Variants in NEGR1 observed in about 807,000 individuals in gnomAD.
NEGR1 encodes the protein IgLON family member 4.
NEGR1 carries 10 observed loss-of-function variants against 40.9 expected under a neutral mutation model. The observed-to-expected ratio is 0.24, with a 90% CI of 0.15 to 0.42. The LOEUF is 0.42. NEGR1 is among the 10% of genes least tolerant of loss of function. NEGR1 has a pLI of 1.00. For missense variants in NEGR1, 352 were observed against 438.9 expected (o/e 0.80, Z 1.77); for synonymous variants, 185 against 166.8 (o/e 1.11, Z -0.84).
chr1:72,019,421 G>A (rs1646738281), intron 1 of NEGR1, among the ~76,000 whole-genome samples: 1 of 152,098 alleles, frequency 6.6e-6, no homozygotes, highest in South Asian at 2.1e-4. Context: ...GAAAAAAACA[G>A]AAGACAATGC....
intron 3 of NEGR1, among the ~76,000 whole-genome samples, 200 bp downstream of exon 3, chr1:71,775,972 G>A (rs1178989819): frequency 6.6e-6 from 1 of 150,528 alleles, no homozygotes; most frequent in African/African-American, 2.4e-5. Flanking sequence ...CAGCCTGGGG[G>A]ACAGAGTAAG....
At chr1:72,088,977 T>C (rs1304969253) in intron 1 of NEGR1, among the ~76,000 whole-genome samples, 1 of 152,034 alleles carries the variant, frequency 6.6e-6, no homozygotes, top group Non-Finnish European at 1.5e-5. Flanking sequence ...GTCTGGCCTA[T>C]ACAATGTAGT....
intron 2 of NEGR1, among the ~76,000 whole-genome samples, chr1:71,876,325 A>G (rs1660428752): frequency 6.6e-6 from 1 of 152,104 alleles, no homozygotes; most frequent in South Asian, 2.1e-4. Context: ...AGCCTAGGCA[A>G]CATGGCAAAA....
chr1:71,685,408 C>A (rs190021111), intron 4 of NEGR1, among the ~76,000 whole-genome samples: 104 of 151,148 alleles, frequency 6.9e-4, no homozygotes, highest in Middle Eastern at 3.4e-3. Context: ...CTGCAAACTC[C>A]GCCTCCTGGG....
intron 1 of NEGR1, among the ~76,000 whole-genome samples, chr1:72,061,052 T>C (rs1214262222): frequency 6.6e-6 from 1 of 151,734 alleles, no homozygotes; most frequent in Non-Finnish European, 1.5e-5. Context: ...GGGAGACTTG[T>C]GGATTTCCTC....
chr1:71,898,521 A>T (rs150223914), intron 2 of NEGR1, among the ~76,000 whole-genome samples: 3,047 of 152,254 alleles, frequency 0.02, 61 homozygotes, highest in South Asian at 0.1. Context: ...AGGCTGAGGC[A>T]GGAGAATGGC....
intron 1 of NEGR1, among the ~76,000 whole-genome samples, chr1:72,064,952 C>G (rs1193998690): frequency 2.0e-5 from 3 of 151,996 alleles, no homozygotes; most frequent in Non-Finnish European, 4.4e-5. Flanking sequence ...TTACTGTTAA[C>G]TCCAGTTCTG....
intron 1 of NEGR1, among the ~76,000 whole-genome samples, chr1:72,143,135 T>C (rs1211748535): frequency 6.6e-6 from 1 of 151,998 alleles, no homozygotes; most frequent in Admixed American, 6.6e-5. Flanking sequence ...GCAGTAAAAA[T>C]GTTGGAAGCC....
intron 1 of NEGR1, among the ~76,000 whole-genome samples, chr1:72,113,461 A>T (rs936495730): frequency 2.0e-5 from 3 of 151,238 alleles, no homozygotes; most frequent in Admixed American, 6.6e-5. Flanking sequence ...GTTTAGAAAA[A>T]AAATATATAT....
intron 1 of NEGR1, among the ~76,000 whole-genome samples, chr1:72,043,815 A>G (rs954254487): frequency 6.6e-6 from 1 of 151,864 alleles, no homozygotes; most frequent in Non-Finnish European, 1.5e-5. Context: ...CCTATTCTGT[A>G]ACCCATTTTG....
At chr1:71,915,253 A>C (rs1392811306) in intron 2 of NEGR1, among the ~76,000 whole-genome samples, 4 of 152,178 alleles carry the variant, frequency 2.6e-5, no homozygotes, top group Non-Finnish European at 5.9e-5. Flanking sequence ...GTCATTACAA[A>C]GTTGAAAAAT....
At chr1:71,628,572 A>G (rs1372656338) in intron 4 of NEGR1, among the ~76,000 whole-genome samples, 4 of 147,248 alleles carry the variant, frequency 2.7e-5, no homozygotes. Flanking sequence ...CTAGCACCCC[A>G]CCCCCTGACA....
At chr1:72,276,734 C>G (rs562301421) in intron 1 of NEGR1, among the ~76,000 whole-genome samples, 1 of 152,120 alleles carries the variant, frequency 6.6e-6, no homozygotes. Context: ...ACTGGCAAAG[C>G]AGTCACTCAA....
At chr1:71,964,716 G>A (rs1646196192) in intron 1 of NEGR1, among the ~76,000 whole-genome samples, 1 of 151,974 alleles carries the variant, frequency 6.6e-6, no homozygotes, top group Admixed American at 6.6e-5. Context: ...GCAGTATTTT[G>A]TTATGCAGTA....
In NEGR1 at chr1:72,162,373, A is replaced by G. The variant is rs140334184; in HGVS notation, c.176+119946T>C. On this transcript the variant is annotated intron_variant, in intron 1 of 6. Transcript: ENST00000357731. The stretch of plus-strand genomic sequence containing the variant: ...CCAGCTACTTGGGAGGCTGAGGCAG[A>G]ATTGCTTGAACCCGGGAGGCAGAGG... 7.1e-3 allele frequency among the ~76,000 whole-genome samples: 1,075 copies of G among 152,220 alleles called. 10 individuals carry two copies. Among genetic ancestry groups the G allele is most frequent in the African/African-American group, 0.024 (1,006 of 41,552 alleles).
At chr1:72,137,564 G>A (rs1398330577) in intron 1 of NEGR1, among the ~76,000 whole-genome samples, 1 of 151,526 alleles carries the variant, frequency 6.6e-6, no homozygotes, top group Non-Finnish European at 1.5e-5. Flanking sequence ...ATGTACACAG[G>A]GAGGGGAACA....
chr1:72,260,076 T>C (rs951400295), intron 1 of NEGR1, among the ~76,000 whole-genome samples: 3 of 152,118 alleles, frequency 2.0e-5, no homozygotes, highest in Admixed American at 2.0e-4. Flanking sequence ...CAAATTTCCT[T>C]TCTGCTCCTT....
chr1:71,939,261 G>T (rs1175222963), intron 1 of NEGR1, among the ~76,000 whole-genome samples: 1 of 151,990 alleles, frequency 6.6e-6, no homozygotes, highest in Non-Finnish European at 1.5e-5. Context: ...CAAAAATAGC[G>T]CGACTGTTCC....
chr1:71,847,183 C>T (rs542786455), intron 2 of NEGR1, among the ~76,000 whole-genome samples: 8 of 152,230 alleles, frequency 5.3e-5, no homozygotes, highest in Admixed American at 2.6e-4. Context: ...GGAATAAGGC[C>T]TCATTTCATC....
Sources: allele counts gnomAD v4.1 joint callset (sites outside exome capture counted in the v4.1 genomes callset), GRCh38; gene constraint gnomAD v4.1.1; transcripts MANE v1.5; gene names NCBI Gene and HGNC (gene_info 2026-07-23, HGNC 2026-07-21).